Variants in MCM4 observed in about 807,000 individuals in gnomAD.
MCM4 encodes the protein DNA replication licensing factor MCM4.
MCM4 carries 60 observed loss-of-function variants against 88.7 expected under a neutral mutation model. The observed-to-expected ratio is 0.68, with a 90% CI of 0.55 to 0.84. The LOEUF (loss-of-function observed/expected upper bound fraction) is 0.84. Among genes scored for constraint, MCM4 ranks in the 40% least tolerant of loss-of-function variants. The pLI is 0.00. For missense variants in MCM4, 1,149 were observed against 1,105.5 expected (o/e 1.04, Z -0.56); for synonymous variants, 465 against 410.5 (o/e 1.13, Z -1.61).
chr8:47,974,731 TAGGCTTATGTAGACATG>T lies in MCM4; in HGVS notation c.2138_2154del (p.Ala713GlufsTer5). On this transcript the variant is annotated splice_acceptor_variant and coding_sequence_variant, in exon 15 of 17. Coordinates refer to ENST00000649973, the MANE Select transcript of MCM4 (RefSeq NM_182746.3). LOFTEE classifies it high-confidence loss of function. ...TTTGCTTTTGTTTTTCTACCTACAA[TAGGCTTATGTAGACATG>T]AGGAAGATTGGCAGTAGCCGGGGAA... is the stretch of plus-strand genomic sequence containing the variant. 1 of 1,612,014 alleles carries T rather than the reference TAGGCTTATGTAGACATG, an allele frequency of 6.2e-7. No individual in the cohort carries two copies. The highest frequency in any genetic ancestry group is 8.5e-7 in the Non-Finnish European group (1 of 1,178,270).
chr8:47,966,050 A>G (rs2090895171), intron 8 of MCM4, 137 bp from the exon 9 acceptor site: 5 of 670,032 alleles, frequency 7.5e-6, no homozygotes, highest in South Asian at 7.0e-5. Context: ...TCCTGAAGAC[A>G]TAGCCTGCAG....
At chr8:47,972,831 A>G (rs2090967138) in intron 13 of MCM4, 26 bp from the exon 14 acceptor site, 1 of 1,604,422 alleles carries the variant, frequency 6.2e-7, no homozygotes, top group Admixed American at 1.7e-5. Flanking sequence ...TGCTGGAAAA[A>G]CAGTATTTTT....
chr8:47,972,345 G>T (rs529544029), intron 13 of MCM4, among the ~76,000 whole-genome samples: 1 of 151,744 alleles, frequency 6.6e-6, no homozygotes, highest in Non-Finnish European at 1.5e-5. Flanking sequence ...TCCCTGGGCC[G>T]ACCTAAGGAC....
chr8:47,969,691 C>G (rs544414983), intron 10 of MCM4, 107 bp from the exon 11 acceptor site: 3 of 1,153,878 alleles, frequency 2.6e-6, no homozygotes, highest in Non-Finnish European at 3.8e-6. Context: ...AGGGCCAGCC[C>G]GACGTGGTGC....
At chr8:47,968,451 T>C (rs1314200659) in intron 10 of MCM4, among the ~76,000 whole-genome samples, 1 of 152,162 alleles carries the variant, frequency 6.6e-6, no homozygotes, top group Non-Finnish European at 1.5e-5. Flanking sequence ...GATAAAGTAT[T>C]TAGTCCAATA....
intron 8 of MCM4, among the ~76,000 whole-genome samples, chr8:47,965,130 G>T (rs938963505): frequency 6.6e-6 from 1 of 152,008 alleles, no homozygotes; most frequent in Non-Finnish European, 1.5e-5. Flanking sequence ...CAGGAGAAAC[G>T]CTTGAACCCG....
At chr8:47,974,375 T>A (rs990889447) in intron 14 of MCM4, 1 of 207,644 alleles carries the variant, frequency 4.8e-6, no homozygotes, top group African/African-American at 2.3e-5. Flanking sequence ...GGCCTGATTC[T>A]CCCTATGAGT....
chr8:47,975,010 A>G, intron 15 of MCM4, 48 bp downstream of exon 15: 1 of 1,419,362 alleles, frequency 7.0e-7, no homozygotes, highest in Non-Finnish European at 9.8e-7. Context: ...TTATTTCAAT[A>G]TGCATGTAGT....
Position 47,961,550 on chromosome 8 carries a change from G to A in MCM4, c.105G>A (p.Gln35=). 1 of 1,614,158 alleles carries A rather than the reference G, an allele frequency of 6.2e-7. No individual in the cohort carries two copies. Among genetic ancestry groups the A allele is most frequent in the Non-Finnish European group, 8.5e-7 (1 of 1,180,032 alleles). Residue 35 remains glutamine, a synonymous_variant, in exon 3 of 17, where the codon CAG becomes CAA. Coordinates refer to ENST00000649973, the MANE Select transcript of MCM4 (RefSeq NM_182746.3). ...RSEDARSSPS[Q]RRRGEDSTST... ...AGGATGCCAGGTCATCTCCCTCTCA[G>A]AGACGTAGAGGCGAGGATTCCACCT... is the stretch of plus-strand genomic sequence containing the variant.
Position 47,967,418 on chromosome 8 carries a change from A to C in MCM4, c.1107A>C (p.Thr369=), listed in dbSNP as rs1212621179. The C allele has an allele frequency of 6.2e-7, 1 of 1,614,210 alleles. No individual in the cohort carries two copies. ...EDMPAGQTPH[T]VILFAHNDLV... ...TGCCTGCAGGGCAGACACCACACAC[A>C]GTTATCCTGTTTGCTCACAATGATC... The change falls in exon 10 of 17, where the codon ACA becomes ACC. Residue 369 remains threonine, a synonymous_variant. Coordinates refer to ENST00000649973, the MANE Select transcript of MCM4 (RefSeq NM_182746.3).
rs1241517349 is a variant in MCM4, at chr8:47,961,125, G to A, written c.-14-6G>A. 6.5e-7 allele frequency: 1 copy of A among 1,548,856 alleles called. No individual in the cohort carries two copies. Among genetic ancestry groups the A allele is most frequent in the Non-Finnish European group, 8.6e-7 (1 of 1,157,414 alleles). ...GGCCCGGCCCGAGCTTGTCCTTGTC[G>A]CGCAGGTACTCCGAGCACTATGTCG... On this transcript the variant is annotated splice_polypyrimidine_tract_variant and splice_region_variant and intron_variant, in intron 1 of 16. Coordinates refer to ENST00000649973, the MANE Select transcript of MCM4 (RefSeq NM_182746.3).
At chr8:47,970,226 T>G (rs544452562) in intron 11 of MCM4, among the ~76,000 whole-genome samples, 169 bp downstream of exon 11, 5 of 152,344 alleles carry the variant, frequency 3.3e-5, no homozygotes, top group Admixed American at 1.3e-4. Context: ...ATCATAGCAT[T>G]GTCTATCCTC....
At chr8:47,968,669 G>A (rs983293873) in intron 10 of MCM4, among the ~76,000 whole-genome samples, 5 of 152,198 alleles carry the variant, frequency 3.3e-5, no homozygotes, top group Non-Finnish European at 5.9e-5. Flanking sequence ...CTAAGAATGT[G>A]TGTAAACTGG....
intron 10 of MCM4, 187 bp from the exon 11 acceptor site, chr8:47,969,611 G>A (rs1171032306): frequency 6.6e-6 from 4 of 602,890 alleles, no homozygotes; most frequent in Admixed American, 5.9e-5. Context: ...GCAAGCGGGA[G>A]CTTTGCAATG....
In MCM4 at chr8:47,967,422, A is replaced by G. The variant is rs2090910211; in HGVS notation, c.1111A>G (p.Ile371Val). ...TGCAGGGCAGACACCACACACAGTTATCCTGTTTGCTCACAATGATCTCGT... is the reference window on the plus strand; with the variant it reads ...TGCAGGGCAGACACCACACACAGTTGTCCTGTTTGCTCACAATGATCTCGT... ...MPAGQTPHTV[I>V]LFAHNDLVDK... The change falls in exon 10 of 17, where the codon ATC becomes GTC. Residue 371 changes from isoleucine to valine, a missense_variant. Around this residue, in one of 3 missense-constraint regions of MCM4, gnomAD observed 906 missense variants for 843.0 expected, o/e 1.07. Coordinates refer to ENST00000649973, the MANE Select transcript of MCM4 (RefSeq NM_182746.3). The G allele has an allele frequency of 3.1e-6, 5 of 1,614,024 alleles. No individual in the cohort carries two copies. Among genetic ancestry groups the G allele is most frequent in the Non-Finnish European group, 4.2e-6 (5 of 1,180,034 alleles).
intron 10 of MCM4, among the ~76,000 whole-genome samples, chr8:47,968,110 G>T (rs1379962440): frequency 6.6e-6 from 1 of 152,214 alleles, no homozygotes; most frequent in Non-Finnish European, 1.5e-5. Context: ...GAGTGTGGCA[G>T]TCCTCCTTTT....
At chr8:47,964,545 C>A in intron 7 of MCM4, 29 bp from the exon 8 acceptor site, 4 of 1,542,632 alleles carry the variant, frequency 2.6e-6, no homozygotes, top group Non-Finnish European at 3.5e-6. Context: ...GATATGAATA[C>A]AAATACATCT....
At position 47,969,902 on chromosome 8, in the gene MCM4, A is replaced by G. The variant is rs368973139; in HGVS notation, c.1279A>G (p.Lys427Glu). ...DVIHYRKTDA[K>E]RLHGLDEEAE... is the part of the protein sequence containing the mutation. Reference sequence around the variant, plus strand: ...CATTCATTATCGGAAAACGGATGCAAAACGTCTGCATGGCCTTGATGAAGA... The same window carrying G: ...CATTCATTATCGGAAAACGGATGCAGAACGTCTGCATGGCCTTGATGAAGA... Residue 427 changes from lysine (K) to glutamate (E), a missense_variant, in exon 11 of 17, where the codon AAA becomes GAA. Physicochemically the swap from Lys to Glu is moderately conservative, Grantham distance 56. Transcript: ENST00000649973. 1.1e-5 allele frequency: 17 copies of G among 1,614,126 alleles called. No individual in the cohort carries two copies. In the African/African-American group the frequency reaches 2.1e-4, roughly 20 times the overall value.
chr8:47,966,167 CCT>C lies in MCM4; in HGVS notation c.833-15_833-14del, dbSNP rs750552992. The C allele has an allele frequency of 4.4e-6, 7 of 1,604,556 alleles. No individual in the cohort carries two copies. Among genetic ancestry groups the C allele is most frequent in the Non-Finnish European group, 1.7e-6 (2 of 1,171,870 alleles). On this transcript the variant is annotated intron_variant, in intron 8 of 16. Transcript: ENST00000649973. The stretch of plus-strand genomic sequence containing the variant: ...CCACACCTCAGGTCAGGTGTGCTGA[CCT>C]CTCTTCTCCCCTCACAGACATTGAC...
Sources: gnomAD v4.1 joint callset for allele counts (sites outside exome capture counted in the v4.1 genomes callset) on GRCh38, gnomAD v4.1.1 for gene constraint, gnomAD v4.1.1 regional missense constraint, MANE v1.5 for transcripts, NCBI Gene and HGNC (gene_info 2026-07-23, HGNC 2026-07-21) for gene names.